NFIB: variants seen among roughly 807,000 people sequenced by gnomAD.
NFIB encodes the protein nuclear factor 1 B-type.
A neutral mutation model predicts 61.5 loss-of-function variants in NFIB; 11 were observed. That is an observed-to-expected ratio of 0.18 (90% confidence interval 0.11 to 0.30). The LOEUF is 0.30. Ranked by LOEUF, NFIB falls within the 10% of genes least tolerant of loss-of-function variation. The pLI, the probability that NFIB is intolerant of heterozygous loss-of-function variation, is 1.00. For synonymous variants in NFIB, 260 were observed against 216.5 expected (o/e 1.20, Z -1.76); for missense variants, 471 against 608.9 (o/e 0.77, Z 2.38).
At chr9:14,094,939 G>A (rs924163062) in intron 10 of NFIB, among the ~76,000 whole-genome samples, 6 of 151,960 alleles carry the variant, frequency 3.9e-5, no homozygotes, top group Admixed American at 6.6e-5. Flanking sequence ...TTTACCATGC[G>A]TGAGTGCTAG....
At chr9:14,097,877 T>TTTTTTC (rs1183297260) in intron 10 of NFIB, among the ~76,000 whole-genome samples, 6 of 142,028 alleles carry the variant, frequency 4.2e-5, no homozygotes, top group African/African-American at 1.3e-4. Flanking sequence ...TCTTTTTTCT[T>TTTTTTC]TTTTTTTTTT....
the NFIB span, among the ~76,000 whole-genome samples, chr9:14,488,567 T>G: frequency 6.6e-6 from 1 of 152,202 alleles, no homozygotes; most frequent in South Asian, 2.1e-4. Flanking sequence ...CTTTGATCAG[T>G]GGGCTCTGGG....
At chr9:14,283,007 T>C (rs547481403) in intron 2 of NFIB, among the ~76,000 whole-genome samples, 21 of 152,332 alleles carry the variant, frequency 1.4e-4, no homozygotes, top group Admixed American at 3.9e-4. Flanking sequence ...AAGTGCTTAA[T>C]AAATATTAGA....
the NFIB span, among the ~76,000 whole-genome samples, chr9:14,433,630 G>A: frequency 7.2e-4 from 110 of 152,198 alleles, no homozygotes; most frequent in Non-Finnish European, 1.0e-3. Flanking sequence ...TCAAAAGCAA[G>A]CAGACTTGAC....
chr9:14,464,035 G>C, the NFIB span, among the ~76,000 whole-genome samples: 1 of 152,084 alleles, frequency 6.6e-6, no homozygotes, highest in Non-Finnish European at 1.5e-5. Flanking sequence ...TTTACAGTTG[G>C]AAATTCTGAA....
intron 10 of NFIB, among the ~76,000 whole-genome samples, chr9:14,099,962 C>A (rs2035478117): frequency 6.6e-6 from 1 of 152,028 alleles, no homozygotes; most frequent in Non-Finnish European, 1.5e-5. Flanking sequence ...ATCCCAGCTA[C>A]TCTGGTAGCT....
Position 14,287,514 on chromosome 9 carries a change from C to G in NFIB, c.562+19475G>C, listed in dbSNP as rs542763833. Among the ~76,000 whole-genome samples the G allele has an allele frequency of 1.5e-3, 233 of 152,072 alleles. 1 individual carries two copies. The highest frequency in any genetic ancestry group is 2.8e-3 in the Non-Finnish European group (189 of 67,944). ...TCTCGGCTCACTGCAACCTCTGCCT[C>G]CCGGGTTCAAACGATCTTCTGCCTC... is the stretch of plus-strand genomic sequence containing the variant. On this transcript the variant is annotated intron_variant, in intron 2 of 10. Transcript: ENST00000380953.
intron 1 of NFIB, among the ~76,000 whole-genome samples, chr9:14,345,391 G>C (rs1192288196): frequency 1.3e-5 from 2 of 152,142 alleles, no homozygotes; most frequent in Admixed American, 6.5e-5. Context: ...AACACAGCCA[G>C]CTCTTTTTCT....
chr9:14,351,206 T>A (rs34545841), intron 1 of NFIB, among the ~76,000 whole-genome samples: 1 of 152,196 alleles, frequency 6.6e-6, no homozygotes, highest in African/African-American at 2.4e-5. Flanking sequence ...TTGGTTGTTG[T>A]TAAGATAAAG....
chr9:14,112,865 G>T lies in NFIB; in HGVS notation c.1467+134C>A, dbSNP rs374477990. 27 of 699,342 alleles carry T rather than the reference G, an allele frequency of 3.9e-5. 1 individual carries two copies. Among genetic ancestry groups the T allele is most frequent in the African/African-American group, 2.2e-4 (12 of 54,718 alleles). The allele number at this position is 699,342 out of a possible 1,614,324, so 43.3% of individuals were successfully genotyped here. A position where few individuals can be genotyped will look rare whatever the true frequency, so the allele number is the denominator to read the frequency against. ...CAAAGGATCAATGAGAAAAAATTCT[G>T]GGAAATGAAATGATCAGTTTTGGTC... On this transcript the variant is annotated intron_variant, in intron 10 of 10. Transcript: ENST00000380953.
intron 2 of NFIB, among the ~76,000 whole-genome samples, chr9:14,239,626 T>A (rs957194103): frequency 1.3e-5 from 2 of 152,132 alleles, no homozygotes; most frequent in Non-Finnish European, 2.9e-5. Flanking sequence ...TACATAAACA[T>A]ATAAATCCAA....
At chr9:14,297,436 A>AT (rs1352598393) in intron 2 of NFIB, among the ~76,000 whole-genome samples, 3 of 152,252 alleles carry the variant, frequency 2.0e-5, no homozygotes, top group African/African-American at 7.2e-5. Context: ...GATTATCAAC[A>AT]TGATTCATTC....
At position 14,360,251 on chromosome 9, in the gene NFIB, T is replaced by A. The variant is rs926969540; in HGVS notation, c.108+38273A>T. Among the ~76,000 whole-genome samples, 2 of 152,222 alleles carry A rather than the reference T, an allele frequency of 1.3e-5. 1 individual carries two copies. The highest frequency in any genetic ancestry group is 4.8e-5 in the African/African-American group (2 of 41,466). On this transcript the variant is annotated intron_variant, in intron 1 of 8. Transcript: ENST00000380934. ...TAAAGCATTCGATTCAGGACAGATATCCATCTATTTAAGAGCTTACAATTT... is the reference window on the plus strand; with the variant it reads ...TAAAGCATTCGATTCAGGACAGATAACCATCTATTTAAGAGCTTACAATTT...
the NFIB span, among the ~76,000 whole-genome samples, chr9:14,467,178 C>A: frequency 1.3e-5 from 2 of 152,148 alleles, no homozygotes; most frequent in Admixed American, 1.3e-4. Flanking sequence ...TAGAGTTCAT[C>A]ATTTGATGAG....
At chr9:14,526,241 G>A in the NFIB span, among the ~76,000 whole-genome samples, 1 of 152,118 alleles carries the variant, frequency 6.6e-6, no homozygotes, top group Non-Finnish European at 1.5e-5. Flanking sequence ...GGGAGGTGCT[G>A]GGGTAAAATT....
intron 2 of NFIB, among the ~76,000 whole-genome samples, chr9:14,288,913 A>G (rs2132512886): frequency 6.6e-6 from 1 of 151,950 alleles, no homozygotes; most frequent in East Asian, 1.9e-4. Flanking sequence ...CAAATGTTCT[A>G]TATTTTCCTT....
rs111829351 is a variant in NFIB at position 14,225,446 on chromosome 9, G to C, written c.563-45666C>G. Among the ~76,000 whole-genome samples, 71 of 70,136 alleles carry C rather than the reference G, an allele frequency of 1.0e-3. 1 individual carries two copies. Among genetic ancestry groups the C allele is most frequent in the African/African-American group, 3.3e-3 (70 of 21,098 alleles). 46.0% of individuals were successfully genotyped at this position (70,136 alleles called of 152,430 possible). On this transcript the variant is annotated intron_variant, in intron 2 of 10. Coordinates refer to ENST00000380953, the MANE Select transcript of NFIB (RefSeq NM_001190737.2). ...CACTCCAGCCTGGGCGACAGAGCGA[G>C]ACTCCGTCTCAAAAAAAAAAAAAAA...
In NFIB at chr9:14,307,547, A is replaced by C; in HGVS notation, c.31-27T>G. On this transcript the variant is annotated intron_variant, in intron 1 of 10. Coordinates refer to ENST00000380953, the MANE Select transcript of NFIB (RefSeq NM_001190737.2). This position sits in a 1 kb window ranked among gnomAD's most constrained non-coding sequence, Gnocchi z 5.3. ...TGTGGAAGACAGAGGGGTGAGGAAA[A>C]GATGTGCATAGTCAGTTTAATTTTA... 8.4e-6 allele frequency: 13 copies of C among 1,543,544 alleles called. No homozygotes were observed. The highest frequency in any genetic ancestry group is 1.1e-5 in the Non-Finnish European group (13 of 1,145,944).
intron 1 of NFIB, among the ~76,000 whole-genome samples, chr9:14,349,245 C>G (rs1001461960): frequency 2.0e-5 from 3 of 152,154 alleles, no homozygotes; most frequent in South Asian, 2.1e-4. Flanking sequence ...GTCTCGCATG[C>G]GAACCTGTGG....
Sources: gnomAD v4.1 joint callset for allele counts (sites outside exome capture counted in the v4.1 genomes callset) on GRCh38, gnomAD v4.1.1 for gene constraint, Gnocchi (gnomAD v3.1) non-coding constraint, MANE v1.5 for transcripts, NCBI Gene and HGNC (gene_info 2026-07-23, HGNC 2026-07-21) for gene names.